Variants in SYTL3 observed in about 807,000 individuals in gnomAD.
SYTL3 encodes the protein synaptotagmin like 3, also known as synaptotagmin-like protein 3.
SYTL3 carries 88 observed loss-of-function variants against 82.1 expected under a neutral mutation model. That is an observed-to-expected ratio of 1.07 (90% CI 0.90 to 1.28). The LOEUF (loss-of-function observed/expected upper bound fraction) is 1.28, where lower values mean the gene tolerates loss of function less well. SYTL3 is among the 50% of genes most tolerant of loss of function. The pLI is 0.00. For synonymous variants in SYTL3, 311 were observed against 289.4 expected (o/e 1.07, Z -0.76); for missense variants, 831 against 757.6 (o/e 1.10, Z -1.14).
intron 5 of SYTL3, among the ~76,000 whole-genome samples, chr6:158,673,920 C>T (rs1423134911): frequency 6.6e-6 from 1 of 150,716 alleles, no homozygotes; most frequent in Non-Finnish European, 1.5e-5. Flanking sequence ...CCTGTCTCTA[C>T]TAAAAATACA....
chr6:158,747,526 C>T (rs1055389946), intron 12 of SYTL3, among the ~76,000 whole-genome samples: 6 of 152,052 alleles, frequency 3.9e-5, no homozygotes, highest in East Asian at 3.9e-4. Context: ...TGCAATGGCA[C>T]GATCACAGTT....
intron 6 of SYTL3, among the ~76,000 whole-genome samples, chr6:158,692,029 G>A (rs373091861): frequency 6.8e-6 from 1 of 146,072 alleles, no homozygotes; most frequent in South Asian, 2.2e-4. Context: ...AGGCCGAGGC[G>A]GGCGGATCAC....
intron 6 of SYTL3, among the ~76,000 whole-genome samples, chr6:158,688,243 T>A (rs531096786): frequency 1.3e-5 from 2 of 152,352 alleles, no homozygotes; most frequent in South Asian, 4.1e-4. Flanking sequence ...GAACGTCTTG[T>A]ACAGGTATTT....
intron 12 of SYTL3, among the ~76,000 whole-genome samples, chr6:158,746,686 G>A (rs998695372): frequency 4.0e-5 from 6 of 151,518 alleles, no homozygotes; most frequent in African/African-American, 7.3e-5. Context: ...GGCTGGTCTC[G>A]AATTCCTGAC....
In SYTL3 at chr6:158,682,994, A is replaced by G. The variant is rs754999266; in HGVS notation, c.394+5A>G. 1.7e-5 allele frequency: 28 copies of G among 1,600,778 alleles called. No homozygotes were observed. In the Middle Eastern group the frequency reaches 1.5e-3, roughly 86 times the overall value. On this transcript the variant is annotated splice_donor_5th_base_variant and intron_variant, in intron 6 of 17. Transcript: ENST00000611299. ...CCAAGAAATTTCCAACTGGAGGTAA[A>G]TGCTCTTTACTTTTTTAGTAAAGTA...
intron 5 of SYTL3, among the ~76,000 whole-genome samples, chr6:158,674,119 A>AATAATAATAATAATAATGATG (rs544841096): frequency 8.5e-5 from 12 of 141,454 alleles, no homozygotes; most frequent in African/African-American, 2.7e-4. Context: ...TAATAATAAT[A>AATAATAATAATAATAATGATG]ATGATGATGA....
At chr6:158,705,683 CAGTG>C (rs5881282) in intron 6 of SYTL3, among the ~76,000 whole-genome samples, 635 of 24,148 alleles carry the variant, frequency 0.026, no homozygotes, top group African/African-American at 0.13. Context: ...GACAGGGTGA[CAGTG>C]AGGGCTGTAA....
chr6:158,667,899 G>A (rs1790274866), intron 5 of SYTL3, among the ~76,000 whole-genome samples: 1 of 152,192 alleles, frequency 6.6e-6, no homozygotes, highest in Admixed American at 6.5e-5. Flanking sequence ...AGAACTGAGT[G>A]CCAAGTTGCT....
chr6:158,737,051 A>C (rs567647809), intron 11 of SYTL3, among the ~76,000 whole-genome samples: 1,592 of 151,602 alleles, frequency 0.011, 21 homozygotes, highest in African/African-American at 0.035. Context: ...AAAAAAAAAA[A>C]AACAACGAAA....
At chr6:158,737,358 G>A (rs1786319864) in intron 11 of SYTL3, among the ~76,000 whole-genome samples, 2 of 152,322 alleles carry the variant, frequency 1.3e-5, no homozygotes, top group South Asian at 4.1e-4. Context: ...TTGCAAAAAT[G>A]TTCTCAGTGT....
intron 6 of SYTL3, among the ~76,000 whole-genome samples, chr6:158,705,152 G>A (rs112311881): frequency 1.2e-4 from 7 of 60,770 alleles, no homozygotes; most frequent in Non-Finnish European, 1.9e-4. Flanking sequence ...GCCACATAGG[G>A]CAGGAGGGAC....
chr6:158,732,328 A>G (rs928150230), intron 11 of SYTL3, among the ~76,000 whole-genome samples: 2 of 152,264 alleles, frequency 1.3e-5, no homozygotes, highest in Non-Finnish European at 2.9e-5. Context: ...GTAAAGGTGA[A>G]AAACCTAAGG....
chr6:158,655,409 C>T (rs1788563424), intron 2 of SYTL3, among the ~76,000 whole-genome samples: 1 of 152,190 alleles, frequency 6.6e-6, no homozygotes, highest in African/African-American at 2.4e-5. Flanking sequence ...TGCCTCCTGG[C>T]TGGGTGATGG....
intron 6 of SYTL3, among the ~76,000 whole-genome samples, chr6:158,702,244 T>G (rs1781390172): frequency 6.7e-6 from 1 of 149,362 alleles, no homozygotes; most frequent in African/African-American, 2.5e-5. Flanking sequence ...GAGAATCACT[T>G]GAACCCGGGA....
chr6:158,714,622 A>G (rs1783148172), intron 9 of SYTL3, among the ~76,000 whole-genome samples: 1 of 152,190 alleles, frequency 6.6e-6, no homozygotes, highest in Non-Finnish European at 1.5e-5. Flanking sequence ...TTAAAATTCA[A>G]GTCCCAGAGG....
chr6:158,736,386 A>G (rs182806020), intron 11 of SYTL3, among the ~76,000 whole-genome samples: 8 of 152,076 alleles, frequency 5.3e-5, no homozygotes, highest in Non-Finnish European at 7.3e-5. Context: ...CAAAATGTCA[A>G]GAGAAAGTTA....
intron 7 of SYTL3, 40 bp from the exon 8 acceptor site, chr6:158,708,282 G>A: frequency 2.6e-6 from 4 of 1,523,956 alleles, no homozygotes; most frequent in Non-Finnish European, 3.6e-6. Context: ...GGCTTGCATG[G>A]TTCACAACCC....
At chr6:158,653,731 T>A (rs936213758) in intron 2 of SYTL3, among the ~76,000 whole-genome samples, 7 of 152,322 alleles carry the variant, frequency 4.6e-5, no homozygotes, top group Admixed American at 2.0e-4. Context: ...TTGTGGGCTT[T>A]GAGAACGTTC....
At position 158,761,388 on chromosome 6, in the gene SYTL3, C is replaced by T. The variant is rs549268182; in HGVS notation, c.1414+643C>T. ...CCCGATCTTGGCTCACTGCAAGCTT[C>T]GCCTCCCTGATTCATGCCATTCTCC... On this transcript the variant is annotated intron_variant, in intron 15 of 17. Coordinates refer to ENST00000611299, the MANE Select transcript of SYTL3 (RefSeq NM_001242394.2). 1.8e-3 allele frequency among the ~76,000 whole-genome samples: 251 copies of T among 140,842 alleles called. 1 individual carries two copies. Among genetic ancestry groups the T allele is most frequent in the African/African-American group, 6.0e-3 (228 of 38,164 alleles). The allele number at this position is 140,842 out of a possible 152,430, so 92.4% of individuals were successfully genotyped here. A position where few individuals can be genotyped will look rare whatever the true frequency, so the allele number is the denominator to read the frequency against.
Sources: allele counts gnomAD v4.1 joint callset (sites outside exome capture counted in the v4.1 genomes callset), GRCh38; gene constraint gnomAD v4.1.1; transcripts MANE v1.5; gene names NCBI Gene and HGNC (gene_info 2026-07-23, HGNC 2026-07-21).